MALRD1: variants seen among roughly 807,000 people sequenced by gnomAD.
The protein encoded by MALRD1 is MAM and LDL receptor class A domain containing 1.
Under a neutral mutation model 242.1 loss-of-function variants are expected in MALRD1, and 247 were observed. The observed-to-expected ratio is 1.02, with a 90% CI of 0.92 to 1.13. MALRD1 has a LOEUF of 1.13. Ranked by LOEUF, MALRD1 falls within the 50% of genes most tolerant of loss-of-function variation. The pLI, the probability that MALRD1 is intolerant of heterozygous loss-of-function variation, is 0.00. For missense variants in MALRD1, 2,989 were observed against 2,533.1 expected, an observed-to-expected ratio of 1.18 and a Z score of -3.86; for synonymous variants, 995 against 866.6, an observed-to-expected ratio of 1.15 and a Z score of -2.60.
At chr10:19,266,361 C>A (rs1839976197) in intron 19 of MALRD1, among the ~76,000 whole-genome samples, 1 of 151,744 alleles carries the variant, frequency 6.6e-6, no homozygotes. Context: ...ATTGCTTTCT[C>A]TTTACCTTTT....
chr10:19,416,658 C>A (rs1443988723), intron 28 of MALRD1, among the ~76,000 whole-genome samples: 1 of 152,136 alleles, frequency 6.6e-6, no homozygotes, highest in Non-Finnish European at 1.5e-5. Context: ...CAGCTATGTT[C>A]TGGATTTTAT....
chr10:19,540,012 G>T (rs1834894277), intron 32 of MALRD1, among the ~76,000 whole-genome samples: 2 of 151,752 alleles, frequency 1.3e-5, no homozygotes, highest in African/African-American at 4.8e-5. Flanking sequence ...CATGCCACAT[G>T]CCCAGTGTGT....
chr10:19,332,110 T>A (rs1843401548), intron 24 of MALRD1, among the ~76,000 whole-genome samples: 1 of 151,898 alleles, frequency 6.6e-6, no homozygotes, highest in South Asian at 2.1e-4. Context: ...ATGATCTGCC[T>A]GCCTTGGCTG....
At chr10:19,323,584 G>T (rs777372031) in intron 21 of MALRD1, among the ~76,000 whole-genome samples, 1 of 152,134 alleles carries the variant, frequency 6.6e-6, no homozygotes, top group Non-Finnish European at 1.5e-5. Context: ...AATATGGTTA[G>T]TGACAAACTG....
intron 30 of MALRD1, among the ~76,000 whole-genome samples, chr10:19,497,921 T>C (rs1837794794): frequency 6.6e-6 from 1 of 152,222 alleles, no homozygotes; most frequent in African/African-American, 2.4e-5. Context: ...TAATTTAATT[T>C]TTAATGAGTT....
intron 33 of MALRD1, among the ~76,000 whole-genome samples, chr10:19,572,067 T>C (rs892603980): frequency 2.0e-5 from 3 of 152,212 alleles, no homozygotes; most frequent in Non-Finnish European, 4.4e-5. Flanking sequence ...TGCAGTTTTC[T>C]TTCCATGTAG....
At chr10:19,396,121 C>T (rs567508472) in intron 28 of MALRD1, among the ~76,000 whole-genome samples, 5 of 146,686 alleles carry the variant, frequency 3.4e-5, no homozygotes, top group South Asian at 2.2e-4. Flanking sequence ...TCATTCATTC[C>T]TTCGTTTCTT....
At chr10:19,450,937 A>G (rs1480737876) in intron 29 of MALRD1, among the ~76,000 whole-genome samples, 3 of 152,184 alleles carry the variant, frequency 2.0e-5, no homozygotes, top group Non-Finnish European at 4.4e-5. Context: ...CTCTGCCCTC[A>G]TGACCTAGTC....
chr10:19,204,282 T>TG (rs2131615735), intron 15 of MALRD1, 26 bp from the exon 16 acceptor site: 9 of 312,194 alleles, frequency 2.9e-5, no homozygotes, highest in South Asian at 7.3e-5. Context: ...TAATGAAGCG[T>TG]TTTTTTTTTT....
chr10:19,246,405 C>A (rs1420301983), intron 18 of MALRD1, among the ~76,000 whole-genome samples: 1 of 152,126 alleles, frequency 6.6e-6, no homozygotes, highest in Non-Finnish European at 1.5e-5. Context: ...GAGGGGGAGA[C>A]ACCATAAGAG....
chr10:19,672,221 T>C (rs1160402227), intron 36 of MALRD1, among the ~76,000 whole-genome samples: 1 of 152,020 alleles, frequency 6.6e-6, no homozygotes, highest in Non-Finnish European at 1.5e-5. Flanking sequence ...GATCATTAAA[T>C]CATCTAACAA....
intron 14 of MALRD1, among the ~76,000 whole-genome samples, chr10:19,202,110 G>A (rs550482275): frequency 5.9e-5 from 9 of 152,188 alleles, no homozygotes; most frequent in South Asian, 2.1e-4. Context: ...CACGGCGCCC[G>A]ACTGAGAAAA....
intron 26 of MALRD1, among the ~76,000 whole-genome samples, chr10:19,374,961 A>G (rs1282678467): frequency 6.6e-6 from 1 of 152,204 alleles, no homozygotes; most frequent in Non-Finnish European, 1.5e-5. Flanking sequence ...GGGGGCAAAC[A>G]TTAGTCCCTA....
intron 19 of MALRD1, among the ~76,000 whole-genome samples, chr10:19,279,315 A>G (rs1840693361): frequency 6.6e-6 from 1 of 152,206 alleles, no homozygotes. Flanking sequence ...ACTGGATGAA[A>G]GCCTGAAGGG....
chr10:19,503,776 A>G (rs914361032), intron 31 of MALRD1, among the ~76,000 whole-genome samples: 14 of 152,194 alleles, frequency 9.2e-5, no homozygotes, highest in African/African-American at 3.4e-4. Flanking sequence ...CACCTGATAA[A>G]TACTTCTGTA....
chr10:19,635,743 A>G (rs1017731961), intron 36 of MALRD1, among the ~76,000 whole-genome samples: 41 of 152,214 alleles, frequency 2.7e-4, no homozygotes, highest in African/African-American at 9.9e-4. Context: ...ATAAATTTGC[A>G]TAAAATAACC....
At chr10:19,578,127 G>A (rs1332771858) in intron 33 of MALRD1, among the ~76,000 whole-genome samples, 4 of 145,602 alleles carry the variant, frequency 2.7e-5, no homozygotes, top group Non-Finnish European at 6.0e-5. Flanking sequence ...TTACTTAATA[G>A]TCTAAGTTTT....
intron 31 of MALRD1, among the ~76,000 whole-genome samples, chr10:19,526,340 C>T (rs1230620734): frequency 3.8e-5 from 4 of 105,504 alleles, no homozygotes; most frequent in African/African-American, 1.3e-4. Flanking sequence ...AAGCAACTTT[C>T]ATCTTTATGA....
At chr10:19,188,334 T>C (rs910589299) in intron 14 of MALRD1, among the ~76,000 whole-genome samples, 2 of 152,190 alleles carry the variant, frequency 1.3e-5, no homozygotes, top group African/African-American at 2.4e-5. Flanking sequence ...TTTGGACTTG[T>C]GTTGGGTCAT....
Sources: allele counts gnomAD v4.1 joint callset (sites outside exome capture counted in the v4.1 genomes callset), GRCh38; gene constraint gnomAD v4.1.1; transcripts MANE v1.5; gene names NCBI Gene and HGNC (gene_info 2026-07-23, HGNC 2026-07-21).